The following C8orf34 variants were observed in gnomAD, a reference collection of about 807,000 sequenced individuals.
The protein encoded by C8orf34 is chromosome 8 open reading frame 34.
In C8orf34, 65 loss-of-function variants were observed where a neutral mutation model predicts 68.3. The observed-to-expected ratio is 0.95, with a 90% CI of 0.78 to 1.17. C8orf34 has a LOEUF of 1.17. Among genes scored for constraint, C8orf34 ranks in the 50% most tolerant of loss-of-function variants. The probability of loss-of-function intolerance (pLI) is 0.00; values close to 1 mark genes in which losing one functional copy is unlikely to be tolerated. For synonymous variants in C8orf34, 244 were observed against 241.2 expected, an observed-to-expected ratio of 1.01 and a Z score of -0.11; for missense variants, 664 against 655.4, an observed-to-expected ratio of 1.01 and a Z score of -0.14.
chr8:68,779,642 G>T (rs1161127309), intron 11 of C8orf34, among the ~76,000 whole-genome samples: 1 of 152,078 alleles, frequency 6.6e-6, no homozygotes, highest in Non-Finnish European at 1.5e-5. Flanking sequence ...TGGCCAGCTT[G>T]TCTTGTTTCT....
intron 1 of C8orf34, among the ~76,000 whole-genome samples, chr8:68,417,801 A>T (rs991283675): frequency 3.3e-4 from 50 of 152,106 alleles, no homozygotes; most frequent in African/African-American, 7.0e-4. Flanking sequence ...CCATATGAAC[A>T]TTAAAGTAGT....
At chr8:68,342,523 T>G (rs1806115004) in intron 1 of C8orf34, among the ~76,000 whole-genome samples, 1 of 152,192 alleles carries the variant, frequency 6.6e-6, no homozygotes, top group Admixed American at 6.5e-5. Flanking sequence ...GTGGTTTCAG[T>G]TACTCATGGT....
intron 5 of C8orf34, among the ~76,000 whole-genome samples, chr8:68,511,833 A>C (rs1372028308): frequency 6.6e-6 from 1 of 152,202 alleles, no homozygotes; most frequent in East Asian, 1.9e-4. Flanking sequence ...AAGGCTGTAA[A>C]TAGTTCAAAA....
chr8:68,588,932 T>C (rs1481851715), intron 7 of C8orf34, among the ~76,000 whole-genome samples: 1 of 152,142 alleles, frequency 6.6e-6, no homozygotes, highest in African/African-American at 2.4e-5. Context: ...CCTGTTACTA[T>C]CGTTCAGAGT....
intron 1 of C8orf34, among the ~76,000 whole-genome samples, chr8:68,356,824 A>C (rs944468642): frequency 1.3e-5 from 2 of 152,124 alleles, no homozygotes; most frequent in Non-Finnish European, 1.5e-5. Flanking sequence ...TTTTCCCTTT[A>C]ATATAAAAAA....
At chr8:68,716,693 A>G (rs1821482526) in intron 9 of C8orf34, among the ~76,000 whole-genome samples, 1 of 152,052 alleles carries the variant, frequency 6.6e-6, no homozygotes, top group South Asian at 2.1e-4. Context: ...TAAGGCAGGT[A>G]TATGAGTTTT....
intron 1 of C8orf34, among the ~76,000 whole-genome samples, chr8:68,372,201 A>G (rs1807590073): frequency 6.6e-6 from 1 of 152,224 alleles, no homozygotes; most frequent in South Asian, 2.1e-4. Flanking sequence ...CGGAAACCAC[A>G]TTTGGTAGTT....
chr8:68,464,822 T>C (rs201280163), intron 3 of C8orf34, among the ~76,000 whole-genome samples: 17 of 152,054 alleles, frequency 1.1e-4, no homozygotes, highest in Admixed American at 3.9e-4. Context: ...AAGACTTAAA[T>C]GTTAGACCTA....
chr8:68,385,253 G>T (rs1808211962), intron 1 of C8orf34, among the ~76,000 whole-genome samples: 1 of 152,142 alleles, frequency 6.6e-6, no homozygotes, highest in Non-Finnish European at 1.5e-5. Context: ...GCACAGAGAG[G>T]TTAAGAAACT....
intron 10 of C8orf34, among the ~76,000 whole-genome samples, chr8:68,771,642 A>T (rs1242068809): frequency 6.6e-6 from 1 of 152,082 alleles, no homozygotes; most frequent in African/African-American, 2.4e-5. Context: ...AATGACTAAG[A>T]TTTCAGGACT....
chr8:68,362,113 T>G (rs555589988), intron 1 of C8orf34, among the ~76,000 whole-genome samples: 1 of 152,316 alleles, frequency 6.6e-6, no homozygotes, highest in African/African-American at 2.4e-5. Flanking sequence ...TTTATGTGAC[T>G]CCATTCAATT....
intron 5 of C8orf34, among the ~76,000 whole-genome samples, chr8:68,512,313 A>G (rs1814310722): frequency 6.6e-6 from 1 of 152,232 alleles, no homozygotes; most frequent in Non-Finnish European, 1.5e-5. Flanking sequence ...ACAAAAATAT[A>G]ACCTAAAGAA....
chr8:68,602,425 C>T (rs1458357407), intron 7 of C8orf34, among the ~76,000 whole-genome samples: 1 of 152,152 alleles, frequency 6.6e-6, no homozygotes, highest in Non-Finnish European at 1.5e-5. Flanking sequence ...ACACATCCAT[C>T]TTCACATGGT....
chr8:68,656,046 G>A (rs1209594031), intron 8 of C8orf34, among the ~76,000 whole-genome samples: 1 of 152,152 alleles, frequency 6.6e-6, no homozygotes, highest in Non-Finnish European at 1.5e-5. Context: ...ATTGTATTCA[G>A]ACAGAACCAT....
At chr8:68,815,630 A>G (rs73285468) in intron 12 of C8orf34, among the ~76,000 whole-genome samples, 22,509 of 152,054 alleles carry the variant, frequency 0.15, 1,873 homozygotes, top group East Asian at 0.43. Context: ...CACTATCTGG[A>G]GGGGCATTTT....
At chr8:68,660,836 A>C (rs1399024471) in intron 8 of C8orf34, among the ~76,000 whole-genome samples, 1 of 151,516 alleles carries the variant, frequency 6.6e-6, no homozygotes, top group Non-Finnish European at 1.5e-5. Flanking sequence ...AAGAAAAGTC[A>C]CTCACATAGA....
chr8:68,386,666 A>G (rs1359007532), intron 1 of C8orf34, among the ~76,000 whole-genome samples: 1 of 152,096 alleles, frequency 6.6e-6, no homozygotes, highest in Admixed American at 6.5e-5. Flanking sequence ...ATATTAAGGG[A>G]TTTTCTTCTT....
In C8orf34 at chr8:68,533,631, C is replaced by T. The variant is rs575181476; in HGVS notation, c.1105+482C>T. 66 of 984,554 alleles carry T rather than the reference C, an allele frequency of 6.7e-5. No homozygotes were observed. The African/African-American group carries it at 9.2e-4, about 14-fold the overall frequency. The allele number at this position is 984,554 out of a possible 1,614,324, so 61.0% of individuals were successfully genotyped here. On this transcript the variant is annotated intron_variant, in intron 7 of 13. Transcript: ENST00000518698. ...CAGGTTTTATGTTTTCCGTAAATGA[C>T]GGGAAAGTTTGCAGAGATTTCAAAG... is the stretch of plus-strand genomic sequence containing the variant.
At chr8:68,813,598 A>G (rs928778998) in intron 12 of C8orf34, among the ~76,000 whole-genome samples, 3 of 152,108 alleles carry the variant, frequency 2.0e-5, no homozygotes, top group Non-Finnish European at 4.4e-5. Context: ...CTCCTGGAAA[A>G]CATTGGGTCC....
Sources: allele counts gnomAD v4.1 joint callset (sites outside exome capture counted in the v4.1 genomes callset), GRCh38; gene constraint gnomAD v4.1.1; transcripts MANE v1.5; gene names NCBI Gene and HGNC (gene_info 2026-07-23, HGNC 2026-07-21).